The following IGSF23 variants were observed in gnomAD, a reference collection of about 807,000 sequenced individuals.
IGSF23 encodes the protein immunoglobulin superfamily member 23, also known as immunoglobulin superfamily, member 23.
Under a neutral mutation model 17.8 loss-of-function variants are expected in IGSF23, and 14 were observed. The observed-to-expected ratio is 0.79, with a 90% confidence interval of 0.52 to 1.23. The LOEUF (loss-of-function observed/expected upper bound fraction) is 1.23. IGSF23 is among the 50% of genes most tolerant of loss of function. The pLI is 0.00. For synonymous variants in IGSF23, 85 were observed against 92.5 expected (o/e 0.92, Z 0.46); for missense variants, 214 against 241.7 (o/e 0.89, Z 0.76).
chr19:44,635,370 CTCTCTG>C (rs1972866474), intron 3 of IGSF23, 25 bp from the exon 4 acceptor site: 6 of 898,574 alleles, frequency 6.7e-6, no homozygotes, highest in Admixed American at 3.1e-5. Context: ...CTCTCTCTCT[CTCTCTG>C]TCTCTCTCTC....
At chr19:44,631,800 T>C (rs570521506) in intron 3 of IGSF23, among the ~76,000 whole-genome samples, 1 of 152,394 alleles carries the variant, frequency 6.6e-6, no homozygotes, top group Admixed American at 6.5e-5. Context: ...CATGCGGTTG[T>C]TTGTGGTTTA....
chr19:44,620,068 A>G (rs1378163377), intron 1 of IGSF23, among the ~76,000 whole-genome samples: 1 of 152,116 alleles, frequency 6.6e-6, no homozygotes, highest in Non-Finnish European at 1.5e-5. Context: ...CAGGAGTTCA[A>G]GACCAGCCTG....
At chr19:44,635,508 C>A in intron 4 of IGSF23, 43 bp downstream of exon 4, 1 of 1,405,220 alleles carries the variant, frequency 7.1e-7, no homozygotes, top group Non-Finnish European at 9.8e-7. Flanking sequence ...GGTTTGGGAA[C>A]AGAAAGAAGT....
intron 3 of IGSF23, 31 bp from the exon 4 acceptor site, chr19:44,635,369 TC>T (rs767812827): frequency 0.21 from 302,632 of 1,475,174 alleles, 22,691 homozygotes; most frequent in East Asian, 0.4. Context: ...TCTCTCTCTC[TC>T]TCTCTGTCTC....
At chr19:44,617,497 A>G (rs1383177839) in intron 1 of IGSF23, among the ~76,000 whole-genome samples, 4 of 152,228 alleles carry the variant, frequency 2.6e-5, no homozygotes, top group African/African-American at 9.6e-5. Context: ...TCCACAATGT[A>G]TATGTATTTT....
Position 44,623,746 on chromosome 19 carries a change from C to G in IGSF23, c.165C>G (p.Ile55Met). ...LMPLKTFPAAIRGVIQSELNY... is the reference protein window; with the variant it reads ...LMPLKTFPAAMRGVIQSELNY... The stretch of plus-strand genomic sequence containing the variant: ...CACTGAAGACATTCCCAGCTGCTAT[C>G]CGGGGAGTCATCCAGAGTGAGCTCA... Residue 55 changes from isoleucine (I) to methionine (M), a missense_variant, in exon 2 of 5, where the codon ATC becomes ATG. Physicochemically the swap from Ile to Met is conservative, Grantham distance 10 (BLOSUM62 1). Coordinates refer to ENST00000402988, the MANE Select transcript of IGSF23 (RefSeq NM_001205280.2). The G allele has an allele frequency of 6.4e-7, 1 of 1,551,132 alleles. No homozygotes were observed. The highest frequency in any genetic ancestry group is 1.2e-5 in the South Asian group (1 of 84,062).
At chr19:44,624,577 G>A (rs940664007) in intron 2 of IGSF23, among the ~76,000 whole-genome samples, 8 of 151,784 alleles carry the variant, frequency 5.3e-5, no homozygotes, top group South Asian at 2.1e-4. Flanking sequence ...GAGCCACCTC[G>A]CCCAGCCAAT....
intron 1 of IGSF23, among the ~76,000 whole-genome samples, chr19:44,618,479 A>G (rs1215774010): frequency 2.6e-5 from 4 of 152,190 alleles, no homozygotes; most frequent in Non-Finnish European, 5.9e-5. Flanking sequence ...TGGACCTCAG[A>G]AGAGCCCACC....
intron 1 of IGSF23, chr19:44,618,317 GGTCATT>G (rs1972433428): frequency 2.6e-6 from 1 of 389,054 alleles, no homozygotes; most frequent in Middle Eastern, 6.3e-4. Flanking sequence ...AAGGCAGCCT[GGTCATT>G]AGAAAATGAC....
chr19:44,613,714 CACT>C lies in IGSF23; in HGVS notation c.70_72del (p.Thr24del). ...CAGCCTGGTCCCCACCCACCACCAC[CACT>C]GACCCGATGCTAGAGAAGGATGCGG... On this transcript the variant is annotated inframe_deletion, in exon 1 of 5. Transcript: ENST00000402988. 1.3e-6 allele frequency: 2 copies of C among 1,550,560 alleles called. No homozygotes were observed. The highest frequency in any genetic ancestry group is 8.7e-7 in the Non-Finnish European group (1 of 1,146,972).
intron 3 of IGSF23, among the ~76,000 whole-genome samples, chr19:44,633,358 G>C (rs968749956): frequency 6.6e-6 from 1 of 152,238 alleles, no homozygotes; most frequent in Non-Finnish European, 1.5e-5. Context: ...CTTTCCGCTT[G>C]AAGCGGTTCT....
At chr19:44,617,584 T>G (rs1486992053) in intron 1 of IGSF23, among the ~76,000 whole-genome samples, 4 of 152,222 alleles carry the variant, frequency 2.6e-5, no homozygotes, top group Non-Finnish European at 4.4e-5. Context: ...GTGGCAAGGT[T>G]ATAACTTAAT....
chr19:44,630,271 C>T (rs953803138), intron 3 of IGSF23, among the ~76,000 whole-genome samples: 5 of 152,222 alleles, frequency 3.3e-5, no homozygotes, highest in African/African-American at 1.2e-4. Context: ...CCTGCAGCCT[C>T]GGCCACCCAG....
intron 1 of IGSF23, among the ~76,000 whole-genome samples, chr19:44,622,350 A>C (rs2123719035): frequency 6.6e-6 from 1 of 152,248 alleles, no homozygotes; most frequent in South Asian, 2.1e-4. Flanking sequence ...TGGTTGTGCT[A>C]AAGTTCTTTT....
chr19:44,619,157 G>T, intron 1 of IGSF23, among the ~76,000 whole-genome samples: 1 of 152,118 alleles, frequency 6.6e-6, no homozygotes, highest in Non-Finnish European at 1.5e-5. Context: ...GAGAGAGTCA[G>T]AGAGGAAGTG....
At chr19:44,614,660 G>A (rs1335537044) in intron 1 of IGSF23, among the ~76,000 whole-genome samples, 3 of 152,036 alleles carry the variant, frequency 2.0e-5, no homozygotes, top group Non-Finnish European at 2.9e-5. Flanking sequence ...TCGAACTCCT[G>A]GGCTCAAGCG....
At chr19:44,619,730 GTCTC>G (rs1334247604) in intron 1 of IGSF23, among the ~76,000 whole-genome samples, 1 of 152,112 alleles carries the variant, frequency 6.6e-6, no homozygotes, top group Non-Finnish European at 1.5e-5. Context: ...CATCCCTGGT[GTCTC>G]TCTGTGTGTC....
intron 1 of IGSF23, 145 bp downstream of exon 1, chr19:44,613,915 G>A: frequency 6.5e-7 from 1 of 1,548,028 alleles, no homozygotes; most frequent in Non-Finnish European, 8.7e-7. Context: ...ACAGTCCCTG[G>A]ACAGAACACG....
chr19:44,617,404 A>C (rs1161625103), intron 1 of IGSF23, among the ~76,000 whole-genome samples: 2 of 152,160 alleles, frequency 1.3e-5, no homozygotes, highest in Admixed American at 1.3e-4. Context: ...TTATTGGCTA[A>C]GAAAGTAGAT....
Sources: allele counts gnomAD v4.1 joint callset (sites outside exome capture counted in the v4.1 genomes callset), GRCh38; gene constraint gnomAD v4.1.1; transcripts MANE v1.5; gene names NCBI Gene and HGNC (gene_info 2026-07-23, HGNC 2026-07-21).